The following KIAA1549L variants were observed in gnomAD, a reference collection of about 807,000 sequenced individuals.
The protein encoded by KIAA1549L is UPF0606 protein KIAA1549L.
Under a neutral mutation model 160.7 loss-of-function variants are expected in KIAA1549L, and 88 were observed. The observed-to-expected ratio is 0.55, with a 90% CI of 0.46 to 0.65. The LOEUF is 0.65. Among genes scored for constraint, KIAA1549L ranks in the 30% least tolerant of loss-of-function variants. The pLI, the probability that KIAA1549L is intolerant of heterozygous loss-of-function variation, is 0.00. For missense variants in KIAA1549L, 2,258 were observed against 2,437.5 expected, an observed-to-expected ratio of 0.93 and a Z score of 1.55; for synonymous variants, 950 against 976.7, an observed-to-expected ratio of 0.97 and a Z score of 0.51.
chr11:33,433,945 CA>C (rs763670212), intron 1 of KIAA1549L, among the ~76,000 whole-genome samples: 26 of 151,986 alleles, frequency 1.7e-4, no homozygotes, highest in Non-Finnish European at 3.1e-4. Context: ...TTATGGGGGT[CA>C]GGGGTGAGGG....
chr11:33,387,995 A>G (rs1007051761), intron 1 of KIAA1549L, among the ~76,000 whole-genome samples: 1 of 152,222 alleles, frequency 6.6e-6, no homozygotes, highest in African/African-American at 2.4e-5. Flanking sequence ...GCCTATCTTC[A>G]ATCTTCATTG....
chr11:33,574,564 A>G, intron 9 of KIAA1549L, 138 bp from the exon 10 acceptor site: 1 of 652,590 alleles, frequency 1.5e-6, no homozygotes, highest in Non-Finnish European at 2.5e-6. Flanking sequence ...GAGGCTGGAT[A>G]TAGGGAGGTA....
At chr11:33,575,686 GAGA>G (rs941236215) in intron 10 of KIAA1549L, among the ~76,000 whole-genome samples, 2 of 152,230 alleles carry the variant, frequency 1.3e-5, no homozygotes, top group African/African-American at 4.8e-5. Context: ...TCAGCAGAGG[GAGA>G]AGAAGGTGTG....
At chr11:33,442,076 C>G (rs1291885783) in intron 1 of KIAA1549L, among the ~76,000 whole-genome samples, 1 of 151,586 alleles carries the variant, frequency 6.6e-6, no homozygotes, top group Admixed American at 6.6e-5. Flanking sequence ...AGTCTTTAAT[C>G]CATCTTGAAT....
intron 17 of KIAA1549L, among the ~76,000 whole-genome samples, chr11:33,648,650 C>T (rs975126819): frequency 8.9e-6 from 1 of 112,110 alleles, no homozygotes; most frequent in Admixed American, 9.3e-5. Flanking sequence ...GATTTCTGCA[C>T]TGCAGTTCAG....
At chr11:33,516,420 G>A (rs1853344890) in intron 1 of KIAA1549L, among the ~76,000 whole-genome samples, 1 of 15,270 alleles carries the variant, frequency 6.5e-5, no homozygotes, top group Non-Finnish European at 1.1e-4. Context: ...CAAAGTGCTG[G>A]GATTACAGGC....
intron 1 of KIAA1549L, among the ~76,000 whole-genome samples, chr11:33,393,785 C>T (rs763394085): frequency 5.3e-5 from 8 of 152,088 alleles, no homozygotes; most frequent in Admixed American, 3.3e-4. Flanking sequence ...CAGACAACCC[C>T]GAAAACTTGA....
chr11:33,530,426 AAAAAAAAAAAATATATATATAT>A (rs1853722009), intron 1 of KIAA1549L, among the ~76,000 whole-genome samples: 10 of 65,494 alleles, frequency 1.5e-4, no homozygotes, highest in East Asian at 7.8e-4. Flanking sequence ...AAAAAAAAAA[AAAAAAAAAAAATATATATATAT>A]ATATATATAT....
At chr11:33,616,432 G>A (rs1411619909) in intron 15 of KIAA1549L, among the ~76,000 whole-genome samples, 1 of 152,240 alleles carries the variant, frequency 6.6e-6, no homozygotes, top group African/African-American at 2.4e-5. Context: ...CCATGGGGAT[G>A]TGATGCTGGG....
chr11:33,583,759 T>G (rs1855722882), intron 11 of KIAA1549L, among the ~76,000 whole-genome samples: 1 of 152,222 alleles, frequency 6.6e-6, no homozygotes, highest in Non-Finnish European at 1.5e-5. Flanking sequence ...GAGGAAGTAC[T>G]ATTATTTTAC....
intron 9 of KIAA1549L, 120 bp from the exon 10 acceptor site, chr11:33,574,582 G>GT (rs1343190621): frequency 2.3e-6 from 2 of 854,206 alleles, no homozygotes; most frequent in African/African-American, 3.4e-5. Context: ...GTATGTGAAG[G>GT]TTGGCGTCTA....
intron 5 of KIAA1549L, among the ~76,000 whole-genome samples, chr11:33,551,478 C>G (rs1854460990): frequency 6.6e-6 from 1 of 152,080 alleles, no homozygotes; most frequent in Non-Finnish European, 1.5e-5. Context: ...ATCATAGGAG[C>G]CTTCCTTCCC....
intron 11 of KIAA1549L, among the ~76,000 whole-genome samples, chr11:33,584,601 G>T (rs1855751294): frequency 1.3e-5 from 2 of 152,226 alleles, no homozygotes; most frequent in South Asian, 4.1e-4. Flanking sequence ...CTTACAATTT[G>T]CTGGGCTCCT....
At chr11:33,412,047 A>G (rs1304427786) in intron 1 of KIAA1549L, among the ~76,000 whole-genome samples, 1 of 152,332 alleles carries the variant, frequency 6.6e-6, no homozygotes, top group South Asian at 2.1e-4. Flanking sequence ...GCGTCGGATC[A>G]GTGAAACATT....
chr11:33,646,417 G>A (rs2133407212), intron 17 of KIAA1549L, among the ~76,000 whole-genome samples: 1 of 152,312 alleles, frequency 6.6e-6, no homozygotes, highest in South Asian at 2.1e-4. Flanking sequence ...TGTGTGGCCT[G>A]GTGGTTTAAG....
intron 1 of KIAA1549L, among the ~76,000 whole-genome samples, chr11:33,452,192 C>G (rs948789945): frequency 6.6e-6 from 1 of 152,222 alleles, no homozygotes; most frequent in Non-Finnish European, 1.5e-5. Flanking sequence ...TCCTGCCCTT[C>G]TCATATGCAG....
At chr11:33,513,850 G>A (rs1195212091) in intron 1 of KIAA1549L, among the ~76,000 whole-genome samples, 1 of 152,184 alleles carries the variant, frequency 6.6e-6, no homozygotes, top group African/African-American at 2.4e-5. Context: ...GATGTTCCTG[G>A]ACACCAGTGG....
intron 8 of KIAA1549L, among the ~76,000 whole-genome samples, chr11:33,563,547 A>G (rs896785474): frequency 3.3e-5 from 5 of 152,054 alleles, no homozygotes; most frequent in Admixed American, 3.3e-4. Context: ...TAAAATACTA[A>G]GGACTGTACA....
Position 33,598,940 on chromosome 11 carries a change from G to T in KIAA1549L, c.4872G>T (p.Lys1624Asn). Reference protein sequence around the residue: ...QQKVTKEEARKRNVPASDEEE... With the variant: ...QQKVTKEEARNRNVPASDEEE... ...AAGTGACAAAGGAGGAGGCAAGGAA[G>T]AGAAATGGTGAGAAGCCTTCCCTCC... The change falls in exon 13 of 21, where the codon AAG becomes AAT. Residue 1624 changes from lysine (K) to asparagine (N), a missense_variant. Lys to Asn is a moderately conservative substitution (Grantham distance 94). Coordinates refer to ENST00000658780, the MANE Select transcript of KIAA1549L (RefSeq NM_012194.3). 6.2e-7 allele frequency: 1 copy of T among 1,613,130 alleles called. No homozygotes were observed. Among genetic ancestry groups the T allele is most frequent in the South Asian group, 1.1e-5 (1 of 91,024 alleles).
Sources: gnomAD v4.1 joint callset for allele counts (sites outside exome capture counted in the v4.1 genomes callset) on GRCh38, gnomAD v4.1.1 for gene constraint, MANE v1.5 for transcripts, NCBI Gene and HGNC (gene_info 2026-07-23, HGNC 2026-07-21) for gene names.